The following IMMP2L variants were observed in gnomAD, a reference collection of about 807,000 sequenced individuals.
The protein encoded by IMMP2L is mitochondrial inner membrane protease subunit 2.
A neutral mutation model predicts 19.3 loss-of-function variants in IMMP2L; 18 were observed. That is an observed-to-expected ratio of 0.93 (90% CI 0.64 to 1.38). The LOEUF (loss-of-function observed/expected upper bound fraction) is 1.38, where lower values mean the gene tolerates loss of function less well. Among genes scored for constraint, IMMP2L ranks in the 40% most tolerant of loss-of-function variants. IMMP2L has a pLI of 0.00. For synonymous variants in IMMP2L, 76 were observed against 73.0 expected (o/e 1.04, Z -0.21); for missense variants, 233 against 218.2 (o/e 1.07, Z -0.43).
chr7:110,773,039 G>C (rs1415063212), intron 5 of IMMP2L, among the ~76,000 whole-genome samples: 1 of 151,512 alleles, frequency 6.6e-6, no homozygotes, highest in Non-Finnish European at 1.5e-5. Flanking sequence ...TAACTTTAAA[G>C]CATTGAGGAG....
intron 3 of IMMP2L, among the ~76,000 whole-genome samples, chr7:111,421,105 G>A (rs1835474520): frequency 6.6e-6 from 1 of 151,616 alleles, no homozygotes; most frequent in Admixed American, 6.6e-5. Flanking sequence ...CATTCTAACT[G>A]GCATGAGATG....
chr7:110,733,121 T>C (rs773769434), intron 5 of IMMP2L, among the ~76,000 whole-genome samples: 2 of 152,134 alleles, frequency 1.3e-5, no homozygotes, highest in Non-Finnish European at 2.9e-5. Flanking sequence ...ATTGGATTAG[T>C]TGCAAAAAAT....
rs1350948694 is a variant in IMMP2L, at chr7:111,119,505, TTTCTC to T, written c.240-155945_240-155941del. ...AAAGCACAGATATAATAGATTAACT[TTTCTC>T]TTAAAGTCTAACATTCCTTTGTATT... On this transcript the variant is annotated intron_variant, in intron 3 of 5. Transcript: ENST00000405709. 5.9e-5 allele frequency among the ~76,000 whole-genome samples: 9 copies of T among 152,322 alleles called. No individual in the cohort carries two copies. The South Asian group carries it at 1.7e-3, about 28-fold the overall frequency.
chr7:111,079,025 A>T (rs1795654154), intron 3 of IMMP2L, among the ~76,000 whole-genome samples: 2 of 152,120 alleles, frequency 1.3e-5, no homozygotes, highest in Non-Finnish European at 2.9e-5. Context: ...TTTTTTAAAT[A>T]AACATTTTAA....
At chr7:110,961,839 T>C (rs573133903) in intron 4 of IMMP2L, among the ~76,000 whole-genome samples, 2 of 152,030 alleles carry the variant, frequency 1.3e-5, no homozygotes, top group African/African-American at 4.8e-5. Flanking sequence ...TAATTCCATT[T>C]AAATAAAATT....
chr7:110,733,697 C>T (rs751687250), intron 5 of IMMP2L, among the ~76,000 whole-genome samples: 32 of 151,962 alleles, frequency 2.1e-4, no homozygotes, highest in Non-Finnish European at 3.7e-4. Context: ...AGAGGTAAGG[C>T]CTTTAGTATG....
chr7:110,928,819 T>C (rs553257984), intron 4 of IMMP2L, among the ~76,000 whole-genome samples: 5 of 152,142 alleles, frequency 3.3e-5, no homozygotes, highest in African/African-American at 1.2e-4. Context: ...AGAAACCAAA[T>C]CCCCTGAAGG....
At chr7:111,113,936 T>TA (rs1799538520) in intron 3 of IMMP2L, among the ~76,000 whole-genome samples, 1 of 152,102 alleles carries the variant, frequency 6.6e-6, no homozygotes, top group African/African-American at 2.4e-5. Context: ...GGAAAGCATA[T>TA]TTGGGCAGAC....
Position 110,666,419 on chromosome 7 carries a change from C to T in IMMP2L, c.409-2698G>A, listed in dbSNP as rs535305647. Reference sequence around the variant, plus strand: ...CCTCCTGAGTAGCTGGGACTACAGGCGCCCGCCACCATGCCCGGCTAATTT... The same window carrying T: ...CCTCCTGAGTAGCTGGGACTACAGGTGCCCGCCACCATGCCCGGCTAATTT... On this transcript the variant is annotated intron_variant, in intron 5 of 5. Transcript: ENST00000405709. Among the ~76,000 whole-genome samples the T allele has an allele frequency of 5.9e-3, 901 of 152,064 alleles. 6 individuals are homozygous for T. The highest frequency in any genetic ancestry group is 0.019 in the African/African-American group (799 of 41,466).
chr7:111,207,845 G>A (rs1810889697), intron 3 of IMMP2L, among the ~76,000 whole-genome samples: 1 of 151,868 alleles, frequency 6.6e-6, no homozygotes, highest in Non-Finnish European at 1.5e-5. Flanking sequence ...AAAGATAGAG[G>A]TTTTCTATTC....
chr7:111,411,225 T>C (rs1159393404), intron 3 of IMMP2L: 1 of 176,816 alleles, frequency 5.7e-6, no homozygotes, highest in African/African-American at 2.4e-5. Context: ...GGAATGACAT[T>C]CTTAGAGTGC....
At chr7:110,950,237 A>G (rs932039877) in intron 4 of IMMP2L, among the ~76,000 whole-genome samples, 4 of 152,014 alleles carry the variant, frequency 2.6e-5, no homozygotes, top group African/African-American at 9.7e-5. Context: ...CCCATTGTGT[A>G]TTCTTGGCAC....
intron 3 of IMMP2L, among the ~76,000 whole-genome samples, chr7:111,191,609 G>T (rs147260786): frequency 1.1e-3 from 160 of 152,098 alleles, no homozygotes; most frequent in Non-Finnish European, 2.1e-3. Flanking sequence ...CCTCCTGACA[G>T]GTCAGTAGTA....
chr7:111,160,320 A>T (rs1340049257), intron 3 of IMMP2L, among the ~76,000 whole-genome samples: 1 of 152,086 alleles, frequency 6.6e-6, no homozygotes, highest in Non-Finnish European at 1.5e-5. Context: ...GAAAAAGGAT[A>T]AATCCCACTA....
intron 5 of IMMP2L, among the ~76,000 whole-genome samples, chr7:110,697,160 C>T (rs916338902): frequency 3.3e-5 from 5 of 152,106 alleles, no homozygotes; most frequent in African/African-American, 1.2e-4. Flanking sequence ...ATCAGGGAAG[C>T]GTTTTGACAT....
At chr7:111,500,959 C>A (rs1434631893) in intron 2 of IMMP2L, among the ~76,000 whole-genome samples, 1 of 152,262 alleles carries the variant, frequency 6.6e-6, no homozygotes, top group South Asian at 2.1e-4. Context: ...AGCAACGGAA[C>A]AAAGCTGGAC....
At chr7:111,352,373 T>C (rs894252308) in intron 3 of IMMP2L, among the ~76,000 whole-genome samples, 5 of 150,526 alleles carry the variant, frequency 3.3e-5, no homozygotes, top group Non-Finnish European at 5.9e-5. Context: ...CTAACTTTTT[T>C]TTTTTTTTTT....
chr7:110,893,829 C>T (rs1811059233), intron 4 of IMMP2L, among the ~76,000 whole-genome samples: 1 of 152,054 alleles, frequency 6.6e-6, no homozygotes, highest in Non-Finnish European at 1.5e-5. Context: ...AAAACTGTGG[C>T]CAAATACCCT....
intron 3 of IMMP2L, among the ~76,000 whole-genome samples, chr7:111,039,934 G>A (rs939371975): frequency 1.3e-5 from 2 of 152,172 alleles, no homozygotes; most frequent in African/African-American, 2.4e-5. Context: ...GGGAGGCCGA[G>A]GCGGGTGGAT....
Sources: gnomAD v4.1 joint callset for allele counts (sites outside exome capture counted in the v4.1 genomes callset) on GRCh38, gnomAD v4.1.1 for gene constraint, MANE v1.5 for transcripts, NCBI Gene and HGNC (gene_info 2026-07-23, HGNC 2026-07-21) for gene names.